CLSTN2: variants seen among roughly 807,000 people sequenced by gnomAD.
CLSTN2 encodes the protein calsyntenin-2.
In CLSTN2, 48 loss-of-function variants were observed where a neutral mutation model predicts 101.2. The observed-to-expected ratio is 0.47, with a 90% CI of 0.38 to 0.60. The LOEUF (loss-of-function observed/expected upper bound fraction) is 0.60. CLSTN2 is among the 20% of genes least tolerant of loss of function. The pLI is 0.00. For synonymous variants in CLSTN2, 481 were observed against 463.6 expected (o/e 1.04, Z -0.48); for missense variants, 1,160 against 1,238.2 (o/e 0.94, Z 0.95).
At chr3:140,114,101 C>T (rs571347793) in intron 1 of CLSTN2, among the ~76,000 whole-genome samples, 11 of 152,252 alleles carry the variant, frequency 7.2e-5, no homozygotes, top group Admixed American at 5.9e-4. Flanking sequence ...GCTCAGATTC[C>T]TTGCCTTGCC....
At position 140,558,906 on chromosome 3, in the gene CLSTN2, A is replaced by G. The variant is rs777828266; in HGVS notation, c.2041+49A>G. The G allele has an allele frequency of 4.8e-6, 7 of 1,467,048 alleles. No homozygotes were observed. The African/African-American group carries it at 8.4e-5, about 18-fold the overall frequency. 90.9% of individuals were successfully genotyped at this position (1,467,048 alleles called of 1,614,324 possible). A position where few individuals can be genotyped will look rare whatever the true frequency, so the allele number is the denominator to read the frequency against. ...GGGAGGGTGGACCTTAATTTTTTAC[A>G]GCCATGTGAAAACATACTTCAGAAC... is the stretch of plus-strand genomic sequence containing the variant. On this transcript the variant is annotated intron_variant, in intron 12 of 16. Coordinates refer to ENST00000458420, the MANE Select transcript of CLSTN2 (RefSeq NM_022131.3).
chr3:140,017,771 T>C (rs928640947), intron 1 of CLSTN2, among the ~76,000 whole-genome samples: 2 of 152,184 alleles, frequency 1.3e-5, no homozygotes, highest in African/African-American at 2.4e-5. Context: ...TTTTAGAGCC[T>C]CCCGCACAAG....
At chr3:140,191,792 A>T (rs1422368368) in intron 2 of CLSTN2, among the ~76,000 whole-genome samples, 1 of 151,910 alleles carries the variant, frequency 6.6e-6, no homozygotes, top group Non-Finnish European at 1.5e-5. Context: ...TATTTAGTGC[A>T]GGTTTATCAA....
intron 2 of CLSTN2, among the ~76,000 whole-genome samples, chr3:140,250,894 T>C (rs928993949): frequency 2.6e-5 from 4 of 152,208 alleles, no homozygotes; most frequent in Non-Finnish European, 5.9e-5. Context: ...GGAAAAGATA[T>C]TGCTTTTTGT....
At chr3:140,092,305 C>T (rs1347468483) in intron 1 of CLSTN2, among the ~76,000 whole-genome samples, 3 of 152,338 alleles carry the variant, frequency 2.0e-5, no homozygotes, top group African/African-American at 7.2e-5. Flanking sequence ...AAGTGAGCCT[C>T]TTGATAAAAC....
rs570481992 is a variant in CLSTN2, at chr3:140,439,460, T to C, written c.788-9059T>C. On this transcript the variant is annotated intron_variant, in intron 5 of 16. Coordinates refer to ENST00000458420, the MANE Select transcript of CLSTN2 (RefSeq NM_022131.3). The stretch of plus-strand genomic sequence containing the variant: ...TAGGTCACAGAGTCAGTCATCACAG[T>C]GTTGATTTGGGGCCAAATTATATCT... Among the ~76,000 whole-genome samples, 25 of 152,284 alleles carry C rather than the reference T, an allele frequency of 1.6e-4. No homozygotes were observed. The South Asian group carries it at 2.7e-3, about 16-fold the overall frequency.
chr3:140,437,622 A>G (rs1236296967), intron 5 of CLSTN2, among the ~76,000 whole-genome samples: 1 of 152,188 alleles, frequency 6.6e-6, no homozygotes, highest in Non-Finnish European at 1.5e-5. Flanking sequence ...GTGACAACAG[A>G]AAGAGGCTGG....
At chr3:140,516,995 A>G (rs1217565536) in intron 8 of CLSTN2, among the ~76,000 whole-genome samples, 1 of 152,040 alleles carries the variant, frequency 6.6e-6, no homozygotes, top group Non-Finnish European at 1.5e-5. Flanking sequence ...ATTTAACATA[A>G]CTTCTTGGAG....
chr3:140,513,320 G>A (rs567803118), intron 8 of CLSTN2, among the ~76,000 whole-genome samples: 11 of 152,174 alleles, frequency 7.2e-5, no homozygotes, highest in East Asian at 3.9e-4. Context: ...AACATGAAGC[G>A]ATGTTAAATT....
At chr3:140,441,756 G>A (rs72983197) in intron 5 of CLSTN2, among the ~76,000 whole-genome samples, 1 of 152,104 alleles carries the variant, frequency 6.6e-6, no homozygotes, top group Admixed American at 6.5e-5. Flanking sequence ...ACTCCCTTCC[G>A]CAAAGGCCTT....
chr3:140,187,845 G>A (rs571739933), intron 2 of CLSTN2, among the ~76,000 whole-genome samples: 3 of 152,224 alleles, frequency 2.0e-5, no homozygotes, highest in South Asian at 2.1e-4. Flanking sequence ...GCAACCCAAC[G>A]TGGTGTAGTC....
intron 9 of CLSTN2, among the ~76,000 whole-genome samples, chr3:140,538,074 C>T (rs1260719724): frequency 2.0e-5 from 2 of 101,484 alleles, no homozygotes; most frequent in East Asian, 2.6e-4. Flanking sequence ...GTTCTAAGCA[C>T]TTTCTCACAA....
rs151288093 is a variant in CLSTN2, at chr3:139,946,616, T to C, written c.109+11133T>C. Among the ~76,000 whole-genome samples the C allele has an allele frequency of 6.6e-4, 100 of 152,320 alleles. 1 individual carries two copies. The East Asian group carries it at 0.017, about 26-fold the overall frequency. ...ATCAATCTTCCTTAGCTGGGGTCCC[T>C]CCTCAGACCTGCCTTGGTGAGGGGC... On this transcript the variant is annotated intron_variant, in intron 1 of 16. Coordinates refer to ENST00000458420, the MANE Select transcript of CLSTN2 (RefSeq NM_022131.3).
intron 1 of CLSTN2, among the ~76,000 whole-genome samples, chr3:140,064,111 T>C (rs78681665): frequency 0.021 from 3,134 of 152,282 alleles, 124 homozygotes; most frequent in African/African-American, 0.071. Context: ...GAGCTGCCTC[T>C]CAGTCTGACT....
rs146321545 is a variant in CLSTN2 at position 140,142,041 on chromosome 3, T to C, written c.110-33910T>C. On this transcript the variant is annotated intron_variant, in intron 1 of 16. Coordinates refer to ENST00000458420, the MANE Select transcript of CLSTN2 (RefSeq NM_022131.3). ...AAGCAGCAACTCCAGGACTTGAGGA[T>C]TTGAACAACCTCACAGCATTCTTCC... Among the ~76,000 whole-genome samples, 93 of 152,322 alleles carry C rather than the reference T, an allele frequency of 6.1e-4. 1 individual carries two copies. The South Asian group carries it at 8.7e-3, about 14-fold the overall frequency.
At chr3:140,133,635 G>A (rs566030987) in intron 1 of CLSTN2, among the ~76,000 whole-genome samples, 7 of 152,320 alleles carry the variant, frequency 4.6e-5, no homozygotes, top group Non-Finnish European at 7.3e-5. Context: ...GGGGCCAGGA[G>A]GCTGCCCTCG....
intron 1 of CLSTN2, among the ~76,000 whole-genome samples, chr3:140,059,342 G>T (rs4683794): frequency 0.15 from 23,560 of 152,186 alleles, 1,970 homozygotes; most frequent in Admixed American, 0.25. Flanking sequence ...CTGCCCCCCA[G>T]GGCCTGGAAC....
At chr3:140,377,295 A>T (rs994882491) in intron 2 of CLSTN2, among the ~76,000 whole-genome samples, 19 of 152,368 alleles carry the variant, frequency 1.2e-4, no homozygotes, top group Non-Finnish European at 2.6e-4. Flanking sequence ...CTCAATAATG[A>T]TAATAAATGA....
intron 2 of CLSTN2, among the ~76,000 whole-genome samples, chr3:140,273,787 T>C (rs2086766334): frequency 6.6e-6 from 1 of 152,120 alleles, no homozygotes; most frequent in African/African-American, 2.4e-5. Flanking sequence ...CTTCAAAAAG[T>C]TGAATCCTAA....
Sources: gnomAD v4.1 joint callset for allele counts (sites outside exome capture counted in the v4.1 genomes callset) on GRCh38, gnomAD v4.1.1 for gene constraint, MANE v1.5 for transcripts, NCBI Gene and HGNC (gene_info 2026-07-23, HGNC 2026-07-21) for gene names.